CKAP5: variants seen among roughly 807,000 people sequenced by gnomAD.
CKAP5 encodes the protein cytoskeleton associated protein 5.
In CKAP5, 27 loss-of-function variants were observed where a neutral mutation model predicts 232.8. That is an observed-to-expected ratio of 0.12 (90% confidence interval 0.09 to 0.16). CKAP5 has a LOEUF of 0.16. Ranked by LOEUF, CKAP5 falls within the 10% of genes least tolerant of loss-of-function variation. The probability of loss-of-function intolerance (pLI) is 1.00; values close to 1 mark genes in which losing one functional copy is unlikely to be tolerated. For missense variants in CKAP5, 1,838 were observed against 2,424.7 expected, an observed-to-expected ratio of 0.76 and a Z score of 5.08; for synonymous variants, 785 against 841.1, an observed-to-expected ratio of 0.93 and a Z score of 1.16.
chr11:46,807,968 T>G, intron 8 of CKAP5, 63 bp downstream of exon 8: 2 of 1,132,698 alleles, frequency 1.8e-6, no homozygotes, highest in Non-Finnish European at 2.6e-6. Context: ...AAAAGATGAC[T>G]GATGAGAAAT....
At chr11:46,782,429 C>CA (rs1338586889) in intron 18 of CKAP5, among the ~76,000 whole-genome samples, 1 of 152,152 alleles carries the variant, frequency 6.6e-6, no homozygotes. Flanking sequence ...ACAATACCCT[C>CA]AACTATGGGC....
rs1470052667 is a variant in CKAP5 at position 46,821,261 on chromosome 11, A to G, written c.-30T>C. The G allele has an allele frequency of 6.4e-7, 1 of 1,566,276 alleles. No homozygotes were observed. The highest frequency in any genetic ancestry group is 8.8e-7 in the Non-Finnish European group (1 of 1,137,440). ...CTTCCAGGTTTTCCTTAGAATTAAG[A>G]GTATTTCCTGGTCAGATAAAGGTAG... On this transcript the variant is annotated 5_prime_UTR_variant, in exon 2 of 44. Coordinates refer to ENST00000529230, the MANE Select transcript of CKAP5 (RefSeq NM_001008938.4).
rs566079889 is a variant in CKAP5, at chr11:46,806,579, C to T, written c.978+1452G>A. Among the ~76,000 whole-genome samples, 16 of 152,268 alleles carry T rather than the reference C, an allele frequency of 1.1e-4. No individual in the cohort carries two copies. The East Asian group carries it at 1.5e-3, about 15-fold the overall frequency. ...CAACTCTCTTTTAATTTATTTTACA[C>T]GAGTGTAACTCTTCAAGATGGAAAA... is the stretch of plus-strand genomic sequence containing the variant. On this transcript the variant is annotated intron_variant, in intron 8 of 43. Transcript: ENST00000529230.
chr11:46,830,776 ACCATG>A (rs1033575815), intron 1 of CKAP5, among the ~76,000 whole-genome samples: 2 of 152,272 alleles, frequency 1.3e-5, no homozygotes, highest in African/African-American at 4.8e-5. Context: ...AAAATTATTA[ACCATG>A]GGCCGGGGTG....
At chr11:46,846,035 G>A (rs1481805152) in intron 1 of CKAP5, among the ~76,000 whole-genome samples, 185 bp downstream of exon 1, 3 of 151,364 alleles carry the variant, frequency 2.0e-5, no homozygotes, top group African/African-American at 4.9e-5. Flanking sequence ...CCACGCCCCC[G>A]GCCCTGCCCG....
intron 13 of CKAP5, among the ~76,000 whole-genome samples, chr11:46,793,510 A>C (rs1022923912): frequency 1.3e-5 from 2 of 152,270 alleles, no homozygotes; most frequent in Non-Finnish European, 2.9e-5. Flanking sequence ...ATGAAGACTC[A>C]GTGATGTGAT....
At chr11:46,808,519 C>A (rs918481035) in intron 7 of CKAP5, among the ~76,000 whole-genome samples, 4 of 151,790 alleles carry the variant, frequency 2.6e-5, no homozygotes, top group Non-Finnish European at 1.5e-5. Flanking sequence ...CTAGCCTGGG[C>A]GACAGAGCGA....
At chr11:46,782,251 G>C (rs541029941) in intron 18 of CKAP5, among the ~76,000 whole-genome samples, 8 of 152,216 alleles carry the variant, frequency 5.3e-5, no homozygotes, top group African/African-American at 1.9e-4. Context: ...GATGTATTCT[G>C]AAGGACTGGA....
chr11:46,794,515 T>C (rs1157473906), intron 13 of CKAP5, among the ~76,000 whole-genome samples: 1 of 151,352 alleles, frequency 6.6e-6, no homozygotes, highest in African/African-American at 2.4e-5. Context: ...AGAAGAACTA[T>C]ACAACTACAG....
rs546149966 is a variant in CKAP5, at chr11:46,748,952, CTCT to C, written c.5704+1319_5704+1321del. 2.8e-3 allele frequency among the ~76,000 whole-genome samples: 419 copies of C among 151,460 alleles called. 2 individuals carry two copies. The highest frequency in any genetic ancestry group is 9.6e-3 in the African/African-American group (397 of 41,436). ...GTTCAAGTGATTCTTCTATCTCAGC[CTCT>C]TGAGTAGCTGGGACTACAGGCGCAC... On this transcript the variant is annotated intron_variant, in intron 42 of 43. Coordinates refer to ENST00000529230, the MANE Select transcript of CKAP5 (RefSeq NM_001008938.4).
At chr11:46,810,685 G>A (rs368797896) in intron 5 of CKAP5, among the ~76,000 whole-genome samples, 2 of 152,236 alleles carry the variant, frequency 1.3e-5, no homozygotes, top group East Asian at 1.9e-4. Flanking sequence ...TAAGGAAGAC[G>A]TATGTCTAAG....
In CKAP5 at chr11:46,750,525, C is replaced by T. The variant is rs778999082; in HGVS notation, c.5544+3G>A. ...CTATTCTGCTTAACCCTTTCACTCT[C>T]ACCTCTTTAGTGTTTTCTTTAGAGC... On this transcript the variant is annotated splice_donor_region_variant and intron_variant, in intron 41 of 43. Transcript: ENST00000529230. 6.2e-7 allele frequency: 1 copy of T among 1,613,676 alleles called. No individual in the cohort carries two copies. Among genetic ancestry groups the T allele is most frequent in the Admixed American group, 1.7e-5 (1 of 60,024 alleles).
intron 8 of CKAP5, among the ~76,000 whole-genome samples, chr11:46,805,749 A>T (rs1939139472): frequency 6.6e-6 from 1 of 152,216 alleles, no homozygotes; most frequent in South Asian, 2.1e-4. Flanking sequence ...TAGCCTGGCC[A>T]ACATGGTGAA....
intron 42 of CKAP5, 37 bp from the exon 43 acceptor site, chr11:46,744,614 C>T: frequency 1.3e-6 from 2 of 1,583,066 alleles, no homozygotes; most frequent in Non-Finnish European, 1.7e-6. Flanking sequence ...TTCAGATATC[C>T]ACATATCCCC....
chr11:46,832,352 G>A (rs552411485), intron 1 of CKAP5, among the ~76,000 whole-genome samples: 12 of 152,120 alleles, frequency 7.9e-5, no homozygotes, highest in Admixed American at 2.0e-4. Context: ...CTAAAAGAGG[G>A]TAATTTCATT....
chr11:46,761,506 A>T (rs1300198219), intron 32 of CKAP5, among the ~76,000 whole-genome samples: 1 of 152,206 alleles, frequency 6.6e-6, no homozygotes, highest in African/African-American at 2.4e-5. Flanking sequence ...ACATGGTGAC[A>T]CTATGAGGTA....
In CKAP5 at chr11:46,821,213, A is replaced by ACTCACTGTC; in HGVS notation, c.10_18dup (p.Asp4_Glu6dup). ...TTCTGATCAACTGGCAGTTTCAACC[A>ACTCACTGTC]CTCACTGTCATCTCCCATTGTGCTT... is the stretch of plus-strand genomic sequence containing the variant. On this transcript the variant is annotated inframe_insertion, in exon 2 of 44. Coordinates refer to ENST00000529230, the MANE Select transcript of CKAP5 (RefSeq NM_001008938.4). 1 of 1,612,790 alleles carries ACTCACTGTC rather than the reference A, an allele frequency of 6.2e-7. No individual in the cohort carries two copies. The highest frequency in any genetic ancestry group is 8.5e-7 in the Non-Finnish European group (1 of 1,178,900).
intron 28 of CKAP5, among the ~76,000 whole-genome samples, chr11:46,763,875 G>C (rs2065178134): frequency 6.6e-6 from 1 of 152,166 alleles, no homozygotes; most frequent in Non-Finnish European, 1.5e-5. Flanking sequence ...CCTGTTGCCT[G>C]GGCATGGCAG....
At chr11:46,790,382 T>C in intron 14 of CKAP5, 88 bp downstream of exon 14, 2 of 1,017,932 alleles carry the variant, frequency 2.0e-6, no homozygotes, top group Admixed American at 2.0e-5. Context: ...TAACTGTACG[T>C]TGTAGAACCC....
Sources: gnomAD v4.1 joint callset for allele counts (sites outside exome capture counted in the v4.1 genomes callset) on GRCh38, gnomAD v4.1.1 for gene constraint, MANE v1.5 for transcripts, NCBI Gene and HGNC (gene_info 2026-07-23, HGNC 2026-07-21) for gene names.